The following CELSR3 variants were observed in gnomAD, a reference collection of about 807,000 sequenced individuals.
The protein encoded by CELSR3 is cadherin EGF LAG seven-pass G-type receptor 3, also known as EGF-like protein 1.
A neutral mutation model predicts 270.0 loss-of-function variants in CELSR3; 73 were observed. That is an observed-to-expected ratio of 0.27 (90% CI 0.22 to 0.33). CELSR3 has a LOEUF of 0.33. Ranked by LOEUF, CELSR3 falls within the 10% of genes least tolerant of loss-of-function variation. The pLI, the probability that CELSR3 is intolerant of heterozygous loss-of-function variation, is 1.00. For synonymous variants in CELSR3, 1,780 were observed against 1,905.4 expected, an observed-to-expected ratio of 0.93 and a Z score of 1.71; for missense variants, 3,614 against 4,533.8, an observed-to-expected ratio of 0.80 and a Z score of 5.83.
In CELSR3 at chr3:48,641,289, T is replaced by C. The variant is rs753007099; in HGVS notation, c.9025+35A>G. The C allele has an allele frequency of 7.3e-7, 1 of 1,376,576 alleles. No homozygotes were observed. Among genetic ancestry groups the C allele is most frequent in the Middle Eastern group, 2.3e-4 (1 of 4,438 alleles). The allele number at this position is 1,376,576 out of a possible 1,614,324, so 85.3% of individuals were successfully genotyped here. On this transcript the variant is annotated intron_variant, in intron 33 of 34. Transcript: ENST00000164024. This position sits in a 1 kb window ranked among gnomAD's most constrained non-coding sequence, Gnocchi z 4.8. Reference sequence around the variant, plus strand: ...CTCAGGGCATGAGCAGCCCCCAGCGTGTCTGCGGTGTGGGCCAGGGCTCAG... The same window carrying C: ...CTCAGGGCATGAGCAGCCCCCAGCGCGTCTGCGGTGTGGGCCAGGGCTCAG...
rs1427849219 is a variant in CELSR3, at chr3:48,650,314, A to G, written c.6472+166T>C. The G allele has an allele frequency of 1.4e-6, 1 of 707,858 alleles. No homozygotes were observed. Among genetic ancestry groups the G allele is most frequent in the Non-Finnish European group, 2.6e-6 (1 of 389,294 alleles). The allele number at this position is 707,858 out of a possible 1,614,324, so 43.8% of individuals were successfully genotyped here. A position where few individuals can be genotyped will look rare whatever the true frequency, so the allele number is the denominator to read the frequency against. On this transcript the variant is annotated intron_variant, in intron 16 of 34. Transcript: ENST00000164024. This position sits in a 1 kb window ranked among gnomAD's most constrained non-coding sequence, Gnocchi z 5.1. ...CCTGCCCAGAAGCCAAGAGAAACAG[A>G]TGGAGGCTCAATGAGGGTGTAGGGA...
rs541851522 is a variant in CELSR3 at position 48,654,267 on chromosome 3, C to T, written c.5152+22G>A. ...GATGGGGACAGGGCCATGGGCTAGG[C>T]TGGTGGAAGCTTCAGGCCTACCTGC... is the stretch of plus-strand genomic sequence containing the variant. On this transcript the variant is annotated intron_variant, in intron 7 of 34. Coordinates refer to ENST00000164024, the MANE Select transcript of CELSR3 (RefSeq NM_001407.3). This position sits in a 1 kb window ranked among gnomAD's most constrained non-coding sequence, Gnocchi z 5.4. The T allele has an allele frequency of 9.3e-5, 150 of 1,613,436 alleles. No individual in the cohort carries two copies. Among genetic ancestry groups the T allele is most frequent in the Middle Eastern group, 6.6e-4 (4 of 6,060 alleles).
Position 48,658,217 on chromosome 3 carries a change from G to A in CELSR3, c.3748+670C>T, listed in dbSNP as rs886706785. 1.3e-5 allele frequency among the ~76,000 whole-genome samples: 2 copies of A among 152,196 alleles called. No individual in the cohort carries two copies. Among genetic ancestry groups the A allele is most frequent in the Admixed American group, 6.5e-5 (1 of 15,284 alleles). ...TGCCAGGAGTCCCTGCTCCAGAACT[G>A]AGGAATGAGCACCAGTGAAGCCTAT... On this transcript the variant is annotated intron_variant, in intron 1 of 34. Transcript: ENST00000164024. The surrounding 1 kb of genome is among the most constrained non-coding windows in gnomAD (Gnocchi z 4.7).
In CELSR3 at chr3:48,645,559, G is replaced by C; in HGVS notation, c.7681C>G (p.Leu2561Val). 2 of 1,612,666 alleles carry C rather than the reference G, an allele frequency of 1.2e-6. No individual in the cohort carries two copies. The highest frequency in any genetic ancestry group is 8.5e-7 in the Non-Finnish European group (1 of 1,179,978). The change falls in exon 24 of 35, where the codon CTG becomes GTG. Residue 2561 changes from leucine to valine, a missense_variant. Physicochemically the swap from Leu to Val is conservative, Grantham distance 32. This residue lies in a region of CELSR3 where 1,240 missense variants were observed against 1,351.7 expected (regional missense o/e 0.92). Coordinates refer to ENST00000164024, the MANE Select transcript of CELSR3 (RefSeq NM_001407.3). This position sits in a 1 kb window ranked among gnomAD's most constrained non-coding sequence, Gnocchi z 5.4. Reference protein sequence around the residue: ...VAALVLTAAILLSLRSLKSNV... With the variant: ...VAALVLTAAIVLSLRSLKSNV... ...GACTTGAGGCTGCGCAGGCTCAGCA[G>C]GATGGCTGCAGTCAGCACCAGCGCA... is the stretch of plus-strand genomic sequence containing the variant.
chr3:48,656,407 C>T lies in CELSR3; in HGVS notation c.4400-42G>A, dbSNP rs1304978766. ...GGTCAGAGGCGGTCACGCCCACGCCCGCCCCTGCTCCGGCCCCTTCAAAGA... is the reference window on the plus strand; with the variant it reads ...GGTCAGAGGCGGTCACGCCCACGCCTGCCCCTGCTCCGGCCCCTTCAAAGA... On this transcript the variant is annotated intron_variant, in intron 2 of 34. Transcript: ENST00000164024. 20 of 1,380,842 alleles carry T rather than the reference C, an allele frequency of 1.4e-5. No individual in the cohort carries two copies. The East Asian group carries it at 4.6e-4, about 32-fold the overall frequency. The allele number at this position is 1,380,842 out of a possible 1,614,324, so 85.5% of individuals were successfully genotyped here.
At position 48,648,411 on chromosome 3, in the gene CELSR3, C is replaced by A; in HGVS notation, c.6828G>T (p.Leu2276Phe). Residue 2276 changes from leucine to phenylalanine, a missense_variant, in exon 19 of 35, where the codon TTG becomes TTT. Physicochemically the swap from Leu to Phe is conservative, Grantham distance 22. Transcript: ENST00000164024. ...SALLAPETGD[L>F]WAALGQRAPG... The stretch of plus-strand genomic sequence containing the variant: ...GGGCCCGCTGCCCCAGCGCCGCCCA[C>A]AAGTCCCCTGTCTCTGGGGCAAGCA... The A allele has an allele frequency of 6.2e-7, 1 of 1,605,354 alleles. No individual in the cohort carries two copies. The highest frequency in any genetic ancestry group is 8.5e-7 in the Non-Finnish European group (1 of 1,176,940).
In CELSR3 at chr3:48,656,744, C is replaced by T. The variant is rs145580187; in HGVS notation, c.4353G>A (p.Ala1451=). The T allele has an allele frequency of 7.8e-6, 12 of 1,531,982 alleles. No individual in the cohort carries two copies. The African/African-American group carries it at 1.2e-4, about 16-fold the overall frequency. The allele number at this position is 1,531,982 out of a possible 1,614,324, so 94.9% of individuals were successfully genotyped here. A position where few individuals can be genotyped will look rare whatever the true frequency, so the allele number is the denominator to read the frequency against. The change falls in exon 2 of 35, where the codon GCG becomes GCA. Residue 1451 remains alanine, a synonymous_variant. Coordinates refer to ENST00000164024, the MANE Select transcript of CELSR3 (RefSeq NM_001407.3). The stretch of plus-strand genomic sequence containing the variant: ...CGCACGTGTAGCCTCCCTCGCGCCG[C>T]GCGCAGGCTCCGCCGTTGCGACATG... ...SNPCRNGGAC[A]RREGGYTCVC...
chr3:48,653,485 C>T lies in CELSR3; in HGVS notation c.5448+134G>A. 9.6e-7 allele frequency: 1 copy of T among 1,045,100 alleles called. No individual in the cohort carries two copies. Among genetic ancestry groups the T allele is most frequent in the Non-Finnish European group, 1.4e-6 (1 of 701,184 alleles). 64.7% of individuals were successfully genotyped at this position (1,045,100 alleles called of 1,614,324 possible). A position where few individuals can be genotyped will look rare whatever the true frequency, so the allele number is the denominator to read the frequency against. The stretch of plus-strand genomic sequence containing the variant: ...GGAAAGAGAATCAAGGGCTAGGGTC[C>T]AGAGCAGGGTCAAGTGTGGTTGGGA... On this transcript the variant is annotated intron_variant, in intron 9 of 34. Coordinates refer to ENST00000164024, the MANE Select transcript of CELSR3 (RefSeq NM_001407.3). The surrounding 1 kb of genome is among the most constrained non-coding windows in gnomAD (Gnocchi z 6.5).
rs2077052461 is a variant in CELSR3 at position 48,659,719 on chromosome 3, C to T, written c.2916G>A (p.Glu972=). ...VASHYTGLVS[E]DAPPFTSVLQ... ...GGACACTGGTGAAAGGTGGGGCATC[C>T]TCAGAGACCAGCCCTGTATAGTGGG... The change falls in exon 1 of 35, where the codon GAG becomes GAA. Residue 972 remains glutamate, a synonymous_variant. Coordinates refer to ENST00000164024, the MANE Select transcript of CELSR3 (RefSeq NM_001407.3). This position sits in a 1 kb window ranked among gnomAD's most constrained non-coding sequence, Gnocchi z 8.1. The T allele has an allele frequency of 6.2e-7, 1 of 1,614,118 alleles. No individual in the cohort carries two copies. Among genetic ancestry groups the T allele is most frequent in the South Asian group, 1.1e-5 (1 of 91,092 alleles).
chr3:48,647,961 G>T lies in CELSR3; in HGVS notation c.7009C>A (p.Pro2337Thr). ...SIDRMEHPSS[P>T]RGARRYPRYH... ...CGAGGGTAGCGACGGGCCCCCCGGG[G>T]AGAACTGGGGTGCTCCATGCGGTCA... Residue 2337 changes from proline to threonine, a missense_variant, in exon 20 of 35, where the codon CCC (proline) becomes ACC (threonine). This residue lies in a region of CELSR3 where 1,240 missense variants were observed against 1,351.7 expected (regional missense o/e 0.92). Transcript: ENST00000164024. 1.5e-5 allele frequency: 24 copies of T among 1,612,100 alleles called. No homozygotes were observed. The highest frequency in any genetic ancestry group is 1.9e-5 in the Non-Finnish European group (23 of 1,179,678).
chr3:48,643,225 TG>T lies in CELSR3; in HGVS notation c.8290-143del, dbSNP rs2047046372. 1.3e-4 allele frequency: 86 copies of T among 657,534 alleles called. 2 individuals are homozygous for T. In the South Asian group the frequency reaches 1.6e-3, roughly 12 times the overall value. 40.7% of individuals were successfully genotyped at this position (657,534 alleles called of 1,614,324 possible). A position where few individuals can be genotyped will look rare whatever the true frequency, so the allele number is the denominator to read the frequency against. On this transcript the variant is annotated intron_variant, in intron 28 of 34. Transcript: ENST00000164024. ...CCCATGCGGGACTCAGTAAGGGAGT[TG>T]GGGAAGGTCAGCAGGGGAGAGGATG...
In CELSR3 at chr3:48,639,817, C is replaced by T. The variant is rs576543149; in HGVS notation, c.9768G>A (p.Ser3256=). ...LSSILASFNS[S]ALSSVQSSST... is the part of the protein sequence containing the mutation. ...TTGAAGATTGCACAGAGGAGAGGGC[C>T]GAGGAGTTGAAAGAGGCAAGGATGG... Residue 3256 remains serine, a synonymous_variant, in exon 34 of 35, where the codon TCG becomes TCA. Transcript: ENST00000164024. The surrounding 1 kb of genome is among the most constrained non-coding windows in gnomAD (Gnocchi z 4.1). 1.2e-5 allele frequency: 19 copies of T among 1,613,820 alleles called. No individual in the cohort carries two copies. Among genetic ancestry groups the T allele is most frequent in the African/African-American group, 5.3e-5 (4 of 75,024 alleles).
At position 48,636,477 on chromosome 3, in the gene CELSR3, G is replaced by T. The variant is rs544267785; in HGVS notation, c.*1728C>A. 6.6e-6 allele frequency: 1 copy of T among 152,326 alleles called. No individual in the cohort carries two copies. The highest frequency in any genetic ancestry group is 2.4e-5 in the African/African-American group (1 of 41,560). The allele number at this position is 152,326 out of a possible 1,614,324, so 9.4% of individuals were successfully genotyped here. ...AAGGCAACAACTGTTTTCTATAGAAGTTTATTCCCAAAACAGAGCGCGGCT... is the reference window on the plus strand; with the variant it reads ...AAGGCAACAACTGTTTTCTATAGAATTTTATTCCCAAAACAGAGCGCGGCT... On this transcript the variant is annotated 3_prime_UTR_variant, in exon 35 of 35. Coordinates refer to ENST00000164024, the MANE Select transcript of CELSR3 (RefSeq NM_001407.3).
chr3:48,638,149 T>A lies in CELSR3; in HGVS notation c.*56A>T. Reference sequence around the variant, plus strand: ...CTGCCCCCACTCCTGGAGTCTCTCCTGTTAGCCTAGATCCTCTGTCGCCCT... The same window carrying A: ...CTGCCCCCACTCCTGGAGTCTCTCCAGTTAGCCTAGATCCTCTGTCGCCCT... On this transcript the variant is annotated 3_prime_UTR_variant, in exon 35 of 35. Coordinates refer to ENST00000164024, the MANE Select transcript of CELSR3 (RefSeq NM_001407.3). The A allele has an allele frequency of 2.0e-6, 3 of 1,534,564 alleles. No homozygotes were observed. The highest frequency in any genetic ancestry group is 2.7e-6 in the Non-Finnish European group (3 of 1,108,040).
chr3:48,657,364 G>A lies in CELSR3; in HGVS notation c.3749-16C>T, dbSNP rs2077032485. 6.4e-7 allele frequency: 1 copy of A among 1,565,242 alleles called. No homozygotes were observed. The highest frequency in any genetic ancestry group is 1.3e-5 in the African/African-American group (1 of 74,290). On this transcript the variant is annotated splice_polypyrimidine_tract_variant and intron_variant, in intron 1 of 34. Coordinates refer to ENST00000164024, the MANE Select transcript of CELSR3 (RefSeq NM_001407.3). The surrounding 1 kb of genome is among the most constrained non-coding windows in gnomAD (Gnocchi z 5.4). ...TGCAGGCCATCTGCAGGCGGGGGCAGGGGCAGTGGTCATCCTGGGGACAGT... is the reference window on the plus strand; with the variant it reads ...TGCAGGCCATCTGCAGGCGGGGGCAAGGGCAGTGGTCATCCTGGGGACAGT...
In CELSR3 at chr3:48,641,861, G is replaced by C; in HGVS notation, c.8814C>G (p.Thr2938=). The change falls in exon 32 of 35, where the codon ACC becomes ACG. Residue 2938 remains threonine (T), a synonymous_variant. Coordinates refer to ENST00000164024, the MANE Select transcript of CELSR3 (RefSeq NM_001407.3). This position sits in a 1 kb window ranked among gnomAD's most constrained non-coding sequence, Gnocchi z 4.8. The stretch of plus-strand genomic sequence containing the variant: ...GAGGGCGCCTGGCACCTTTGGGGTG[G>C]GTGAGGAGCCTCTCACTCTGGGCTG... ...CRAAQSERLL[T]HPKDVDGNDL... is the part of the protein sequence containing the mutation. 6.8e-7 allele frequency: 1 copy of C among 1,476,860 alleles called. No individual in the cohort carries two copies. Among genetic ancestry groups the C allele is most frequent in the Non-Finnish European group, 9.0e-7 (1 of 1,113,794 alleles). 91.5% of individuals were successfully genotyped at this position (1,476,860 alleles called of 1,614,324 possible). A position where few individuals can be genotyped will look rare whatever the true frequency, so the allele number is the denominator to read the frequency against.
At chr3:48,648,505 A>T (rs890908372) in intron 18 of CELSR3, 44 bp from the exon 19 acceptor site, 3 of 1,485,498 alleles carry the variant, frequency 2.0e-6, no homozygotes, top group African/African-American at 1.4e-5. Context: ...GGTGGTGAGG[A>T]TGTATGAGGG....
At position 48,662,191 on chromosome 3, in the gene CELSR3, C is replaced by G; in HGVS notation, c.444G>C (p.Leu148Phe). The G allele has an allele frequency of 6.2e-7, 1 of 1,612,578 alleles. No individual in the cohort carries two copies. Among genetic ancestry groups the G allele is most frequent in the South Asian group, 1.1e-5 (1 of 91,044 alleles). The change falls in exon 1 of 35, where the codon TTG (leucine) becomes TTC (phenylalanine). Residue 148 changes from leucine (L) to phenylalanine (F), a missense_variant. Physicochemically the swap from Leu to Phe is conservative, Grantham distance 22. Around this residue, in one of 7 missense-constraint regions of CELSR3, gnomAD observed 470 missense variants for 469.7 expected, o/e 1.00. Transcript: ENST00000164024. The surrounding 1 kb of genome is among the most constrained non-coding windows in gnomAD (Gnocchi z 7.1). The part of the protein sequence containing the change: ...EVSSCGRTGP[L>F]QRGSLSPGAL... ...CCCCTGGTGACAGACTACCTCTTTG[C>G]AAAGGTCCTGTCCGCCCGCAAGAGG...
Position 48,640,760 on chromosome 3 carries a change from C to A in CELSR3, c.9026-201G>T, listed in dbSNP as rs2106696860. 2 of 481,664 alleles carry A rather than the reference C, an allele frequency of 4.2e-6. No homozygotes were observed. Among genetic ancestry groups the A allele is most frequent in the East Asian group, 7.2e-5 (2 of 27,738 alleles). The allele number at this position is 481,664 out of a possible 1,614,324, so 29.8% of individuals were successfully genotyped here. On this transcript the variant is annotated intron_variant, in intron 33 of 34. Coordinates refer to ENST00000164024, the MANE Select transcript of CELSR3 (RefSeq NM_001407.3). This position sits in a 1 kb window ranked among gnomAD's most constrained non-coding sequence, Gnocchi z 7.5. ...GGGGTCAGAGTGGAAGGGCAGTCATCTTCCAGTTGTGGTCCCGGGGCAGGG... is the reference window on the plus strand; with the variant it reads ...GGGGTCAGAGTGGAAGGGCAGTCATATTCCAGTTGTGGTCCCGGGGCAGGG...
Sources: allele counts gnomAD v4.1 joint callset (sites outside exome capture counted in the v4.1 genomes callset), GRCh38; gene constraint gnomAD v4.1.1; regional missense constraint gnomAD v4.1.1; non-coding constraint Gnocchi (gnomAD v3.1); transcripts MANE v1.5; gene names NCBI Gene and HGNC (gene_info 2026-07-23, HGNC 2026-07-21).